Variants in ZNF609 observed in about 807,000 individuals in gnomAD.
ZNF609 encodes zinc finger protein 609.
In ZNF609, 11 loss-of-function variants were observed where a neutral mutation model predicts 109.5. The observed-to-expected ratio is 0.10, with a 90% CI of 0.06 to 0.17. The LOEUF (loss-of-function observed/expected upper bound fraction) is 0.17. Among genes scored for constraint, ZNF609 ranks in the 10% least tolerant of loss-of-function variants. The pLI, the probability that ZNF609 is intolerant of heterozygous loss-of-function variation, is 1.00. For synonymous variants in ZNF609, 646 were observed against 662.0 expected, an observed-to-expected ratio of 0.98 and a Z score of 0.37; for missense variants, 1,559 against 1,772.4, an observed-to-expected ratio of 0.88 and a Z score of 2.16.
At chr15:64,610,932 T>C (rs1234442454) in intron 2 of ZNF609, among the ~76,000 whole-genome samples, 1 of 152,212 alleles carries the variant, frequency 6.6e-6, no homozygotes, top group Non-Finnish European at 1.5e-5. Flanking sequence ...ATCGTGATTA[T>C]TAAGATTTCA....
At chr15:64,494,890 C>T (rs1893461079) in intron 1 of ZNF609, among the ~76,000 whole-genome samples, 1 of 152,138 alleles carries the variant, frequency 6.6e-6, no homozygotes, top group African/African-American at 2.4e-5. Context: ...CCAAAGAATC[C>T]CAGTTTCTAA....
chr15:64,683,812 C>T lies in ZNF609; in HGVS notation c.*2126C>T, dbSNP rs1224410602. 2 of 152,244 alleles carry T rather than the reference C, an allele frequency of 1.3e-5. No homozygotes were observed. Among genetic ancestry groups the T allele is most frequent in the African/African-American group, 4.8e-5 (2 of 41,450 alleles). The allele number at this position is 152,244 out of a possible 1,614,324, so 9.4% of individuals were successfully genotyped here. On this transcript the variant is annotated 3_prime_UTR_variant, in exon 10 of 10. Coordinates refer to ENST00000326648, the MANE Select transcript of ZNF609 (RefSeq NM_015042.2). ...ATCTGTGGCACTGGCCTGCAGCATA[C>T]TCTGTATATATTGTAAAGAAACCGT...
At chr15:64,649,147 GAA>G (rs537880209) in intron 3 of ZNF609, among the ~76,000 whole-genome samples, 5 of 147,248 alleles carry the variant, frequency 3.4e-5, no homozygotes, top group African/African-American at 9.9e-5. Context: ...TGAATTTTGA[GAA>G]AAAAAAAATA....
intron 1 of ZNF609, among the ~76,000 whole-genome samples, chr15:64,490,147 G>A (rs1051908597): frequency 8.6e-5 from 13 of 151,862 alleles, no homozygotes; most frequent in Non-Finnish European, 1.6e-4. Flanking sequence ...TATTTTTGTA[G>A]AGACAGGGTC....
At chr15:64,664,870 C>T (rs902642909) in intron 3 of ZNF609, among the ~76,000 whole-genome samples, 1 of 152,132 alleles carries the variant, frequency 6.6e-6, no homozygotes, top group Non-Finnish European at 1.5e-5. Context: ...ACATGTGTTC[C>T]CACCCAGCTG....
rs769770306 is a variant in ZNF609, at chr15:64,675,087, C to G, written c.2233C>G (p.Leu745Val). ...ATCTTCAAAGGAACTTGAAAGTCCTCTGACCCCTGGGAAGGTGTGTCGAGC... is the reference window on the plus strand; with the variant it reads ...ATCTTCAAAGGAACTTGAAAGTCCTGTGACCCCTGGGAAGGTGTGTCGAGC... The part of the protein sequence containing the change: ...KESSKELESP[L>V]TPGKVCRAEE... Residue 745 changes from leucine (L) to valine (V), a missense_variant, in exon 5 of 10, where the codon CTG becomes GTG. Leu to Val is a conservative substitution (Grantham distance 32). Around this residue, in one of 4 missense-constraint regions of ZNF609, gnomAD observed 1,204 missense variants for 1,314.1 expected, o/e 0.92. Transcript: ENST00000326648. 3.7e-6 allele frequency: 6 copies of G among 1,614,184 alleles called. No individual in the cohort carries two copies. Among genetic ancestry groups the G allele is most frequent in the Non-Finnish European group, 4.2e-6 (5 of 1,180,036 alleles).
At chr15:64,561,722 C>G (rs992477788) in intron 2 of ZNF609, among the ~76,000 whole-genome samples, 9 of 152,014 alleles carry the variant, frequency 5.9e-5, no homozygotes, top group African/African-American at 2.2e-4. Flanking sequence ...TCATTCCTGA[C>G]TTTTTTTCAG....
chr15:64,512,462 A>G (rs1323627107), intron 2 of ZNF609, among the ~76,000 whole-genome samples: 1 of 152,164 alleles, frequency 6.6e-6, no homozygotes, highest in African/African-American at 2.4e-5. Flanking sequence ...CTGTGCTTAT[A>G]TTGGATAATA....
intron 1 of ZNF609, among the ~76,000 whole-genome samples, chr15:64,491,798 C>T (rs1014888882): frequency 6.6e-6 from 1 of 151,192 alleles, no homozygotes; most frequent in Admixed American, 6.6e-5. Flanking sequence ...TGAGCTGAGA[C>T]TGTGCCGTTG....
intron 1 of ZNF609, among the ~76,000 whole-genome samples, chr15:64,480,175 G>C (rs756543961): frequency 2.0e-5 from 3 of 151,926 alleles, no homozygotes; most frequent in Non-Finnish European, 4.4e-5. Context: ...GGAGGCAGAG[G>C]TTGCAGTGAG....
At chr15:64,677,217 C>T (rs1345610182) in intron 5 of ZNF609, among the ~76,000 whole-genome samples, 4 of 151,972 alleles carry the variant, frequency 2.6e-5, no homozygotes, top group Admixed American at 1.3e-4. Context: ...ATGCATGCCA[C>T]CACACCCAGA....
intron 2 of ZNF609, among the ~76,000 whole-genome samples, chr15:64,591,296 C>T (rs573174420): frequency 6.6e-6 from 1 of 152,218 alleles, no homozygotes; most frequent in Non-Finnish European, 1.5e-5. Context: ...AGTGTGGTGG[C>T]ATGCACCTGT....
intron 2 of ZNF609, chr15:64,529,097 C>T (rs757884670): frequency 2.8e-4 from 247 of 884,616 alleles, no homozygotes; most frequent in Non-Finnish European, 4.1e-4. Flanking sequence ...GACAGTTTCC[C>T]GGAGGGGCCA....
chr15:64,521,814 T>TTGG lies in ZNF609; in HGVS notation c.747+21651_747+21653dup, dbSNP rs1893895053. Among the ~76,000 whole-genome samples the TTGG allele has an allele frequency of 2.6e-5, 4 of 152,230 alleles. 1 individual carries two copies. The South Asian group carries it at 8.3e-4, about 32-fold the overall frequency. ...TCTGAGGAAAAAAGGAAGAGGAATA[T>TTGG]TGGTGTGGGAAAGAGGTGCAGCTGT... On this transcript the variant is annotated intron_variant, in intron 2 of 9. Transcript: ENST00000326648.
At chr15:64,507,333 A>T (rs1567000456) in intron 2 of ZNF609, among the ~76,000 whole-genome samples, 1 of 152,154 alleles carries the variant, frequency 6.6e-6, no homozygotes. Flanking sequence ...TTACCAGCAG[A>T]GCTCATCCAG....
chr15:64,674,524 G>T lies in ZNF609; in HGVS notation c.1670G>T (p.Gly557Val). 3 of 1,614,106 alleles carry T rather than the reference G, an allele frequency of 1.9e-6. 1 individual carries two copies. The South Asian group carries it at 3.3e-5, about 18-fold the overall frequency. ...AACGGTGCATCTGTCTCACAAAAAG[G>T]TTCCTTGTCCCCTGCCCGCTCAGCT... The part of the protein sequence containing the change: ...SCNGASVSQK[G>V]SLSPARSATP... The change falls in exon 5 of 10, where the codon GGT (glycine) becomes GTT (valine). Residue 557 changes from glycine to valine, a missense_variant. Transcript: ENST00000326648.
chr15:64,567,041 A>G (rs533570855), intron 2 of ZNF609, among the ~76,000 whole-genome samples: 12 of 152,364 alleles, frequency 7.9e-5, no homozygotes, highest in African/African-American at 2.6e-4. Flanking sequence ...AGTTTCGCCT[A>G]TTAGGCAGTT....
intron 5 of ZNF609, among the ~76,000 whole-genome samples, chr15:64,677,560 G>T (rs917643581): frequency 9.9e-5 from 15 of 152,084 alleles, no homozygotes; most frequent in Admixed American, 9.2e-4. Flanking sequence ...TTTTAGAGTA[G>T]GTCCAAAGTA....
At chr15:64,610,104 A>G (rs907307539) in intron 2 of ZNF609, among the ~76,000 whole-genome samples, 2 of 152,194 alleles carry the variant, frequency 1.3e-5, no homozygotes, top group African/African-American at 4.8e-5. Context: ...TGGGAGGCCA[A>G]GGCACAAGGA....
Sources: gnomAD v4.1 joint callset for allele counts (sites outside exome capture counted in the v4.1 genomes callset) on GRCh38, gnomAD v4.1.1 for gene constraint, gnomAD v4.1.1 regional missense constraint, MANE v1.5 for transcripts, NCBI Gene and HGNC (gene_info 2026-07-23, HGNC 2026-07-21) for gene names.